RIMBP2: variants seen among roughly 807,000 people sequenced by gnomAD.
The protein encoded by RIMBP2 is RIMS binding protein 2.
RIMBP2 carries 48 observed loss-of-function variants against 118.6 expected under a neutral mutation model. The ratio of observed to expected loss-of-function variants is 0.40; its 90% CI spans 0.32 to 0.51. The LOEUF (loss-of-function observed/expected upper bound fraction) is 0.51. Ranked by LOEUF, RIMBP2 falls within the 20% of genes least tolerant of loss-of-function variation. The pLI is 0.41. For synonymous variants in RIMBP2, 762 were observed against 742.9 expected (o/e 1.03, Z -0.42); for missense variants, 1,551 against 1,768.3 (o/e 0.88, Z 2.20).
At chr12:130,435,050 C>CTT (rs375104659) in intron 13 of RIMBP2, among the ~76,000 whole-genome samples, 170 bp from the exon 14 acceptor site, 22 of 144,460 alleles carry the variant, frequency 1.5e-4, no homozygotes, top group South Asian at 6.6e-4. Flanking sequence ...CCACCAGAAT[C>CTT]TTTTTTTTTT....
intron 10 of RIMBP2, 40 bp downstream of exon 10, chr12:130,445,120 G>C (rs895831408): frequency 1.4e-6 from 2 of 1,390,128 alleles, no homozygotes; most frequent in African/African-American, 2.9e-5. Context: ...GGGTGGACTG[G>C]CCCAGCCTAC....
At chr12:130,671,546 C>T (rs1435697504) in intron 1 of RIMBP2, among the ~76,000 whole-genome samples, 1 of 152,188 alleles carries the variant, frequency 6.6e-6, no homozygotes, top group African/African-American at 2.4e-5. Context: ...TACCTATGAA[C>T]ACGAACCTCC....
At chr12:130,399,157 T>C (rs776904187) in intron 22 of RIMBP2, 1 of 1,390,528 alleles carries the variant, frequency 7.2e-7, no homozygotes, top group Non-Finnish European at 9.4e-7. Context: ...ATGAACACTC[T>C]TCTTCTGTTT....
Position 130,620,933 on chromosome 12 carries a change from T to C in RIMBP2, c.-217+7389A>G, listed in dbSNP as rs2061270486. ...GGTGAGCACCTGGAACCTGCAGACC[T>C]GGACTCCGGGCCTGGGGCACCTGTG... On this transcript the variant is annotated intron_variant, in intron 2 of 22. Transcript: ENST00000690449. This position sits in a 1 kb window ranked among gnomAD's most constrained non-coding sequence, Gnocchi z 5.3. 6.6e-6 allele frequency among the ~76,000 whole-genome samples: 1 copy of C among 152,142 alleles called. No homozygotes were observed. Among genetic ancestry groups the C allele is most frequent in the Admixed American group, 6.5e-5 (1 of 15,286 alleles).
rs1312704604 is a variant in RIMBP2, at chr12:130,523,517, A to C, written c.-216-5600T>G. Reference sequence around the variant, plus strand: ...CAGCTCAAGGGCTCGTCAAGGAAGAAACTGGGTCTTCTGAAGACACCCCCT... The same window carrying C: ...CAGCTCAAGGGCTCGTCAAGGAAGACACTGGGTCTTCTGAAGACACCCCCT... On this transcript the variant is annotated intron_variant, in intron 2 of 22. Coordinates refer to ENST00000690449, the MANE Select transcript of RIMBP2 (RefSeq NM_001393629.1). The surrounding 1 kb of genome is among the most constrained non-coding windows in gnomAD (Gnocchi z 4.4). Among the ~76,000 whole-genome samples the C allele has an allele frequency of 2.6e-5, 4 of 152,208 alleles. No homozygotes were observed. The highest frequency in any genetic ancestry group is 4.4e-5 in the Non-Finnish European group (3 of 68,042).
chr12:130,451,605 G>A (rs1187266585), intron 7 of RIMBP2, among the ~76,000 whole-genome samples: 1 of 152,202 alleles, frequency 6.6e-6, no homozygotes, highest in African/African-American at 2.4e-5. Context: ...CAGGCAGAGG[G>A]AACTAAAGGA....
chr12:130,615,272 C>CACATATAT (rs1429575646), intron 2 of RIMBP2, among the ~76,000 whole-genome samples: 2,287 of 38,696 alleles, frequency 0.059, 42 homozygotes, highest in Middle Eastern at 0.083. Flanking sequence ...ACATAATACA[C>CACATATAT]ATACATATAT....
At chr12:130,479,129 C>T in intron 4 of RIMBP2, 113 bp from the exon 5 acceptor site, 1 of 707,382 alleles carries the variant, frequency 1.4e-6, no homozygotes, top group East Asian at 3.1e-5. Context: ...CAGAGCAGCC[C>T]CTCACCGCCC....
intron 1 of RIMBP2, among the ~76,000 whole-genome samples, chr12:130,689,214 T>C (rs1252640939): frequency 2.0e-5 from 3 of 152,160 alleles, no homozygotes; most frequent in African/African-American, 7.2e-5. Flanking sequence ...GGGTGGATCA[T>C]CTGAGGTCAG....
chr12:130,454,225 T>A (rs2137448904), intron 7 of RIMBP2, among the ~76,000 whole-genome samples: 1 of 152,378 alleles, frequency 6.6e-6, no homozygotes, highest in Admixed American at 6.5e-5. Context: ...TTGATTTATG[T>A]TACATCGGAT....
At chr12:130,482,881 G>T (rs1460263387) in intron 4 of RIMBP2, among the ~76,000 whole-genome samples, 3 of 120,294 alleles carry the variant, frequency 2.5e-5, no homozygotes, top group African/African-American at 9.5e-5. Flanking sequence ...GTGTGTACAT[G>T]TGTCAGATTC....
intron 4 of RIMBP2, among the ~76,000 whole-genome samples, chr12:130,500,795 T>C (rs1436807097): frequency 6.6e-6 from 1 of 152,090 alleles, no homozygotes; most frequent in Non-Finnish European, 1.5e-5. Context: ...ACAAGACGCG[T>C]CAGGTGCTAG....
intron 2 of RIMBP2, among the ~76,000 whole-genome samples, chr12:130,608,828 C>T (rs1429690665): frequency 1.3e-5 from 2 of 152,130 alleles, no homozygotes; most frequent in African/African-American, 4.8e-5. Flanking sequence ...ACATTTTTAA[C>T]CAATACATCG....
chr12:130,592,921 T>C (rs1288430629), intron 2 of RIMBP2, among the ~76,000 whole-genome samples: 2 of 152,172 alleles, frequency 1.3e-5, no homozygotes, highest in African/African-American at 4.8e-5. Flanking sequence ...ACGCTGACCC[T>C]TCTGGCCTCA....
chr12:130,403,251 C>A (rs1278021289), intron 21 of RIMBP2, among the ~76,000 whole-genome samples: 1 of 152,158 alleles, frequency 6.6e-6, no homozygotes, highest in Non-Finnish European at 1.5e-5. Context: ...ACTGGGCAGT[C>A]CGCTCAGTGA....
At chr12:130,514,237 C>T (rs967875883) in intron 3 of RIMBP2, among the ~76,000 whole-genome samples, 1 of 152,234 alleles carries the variant, frequency 6.6e-6, no homozygotes, top group African/African-American at 2.4e-5. Context: ...CCTCAGACAC[C>T]CATAAGAAGC....
rs2061441098 is a variant in RIMBP2, at chr12:130,623,475, G to A, written c.-217+4847C>T. On this transcript the variant is annotated intron_variant, in intron 2 of 22. Transcript: ENST00000690449. The surrounding 1 kb of genome is among the most constrained non-coding windows in gnomAD (Gnocchi z 4.1). ...CTCGAGTAATGTACACAGGTAGCATGGACAAGTATGTTCCCTGCTGTAGTA... is the reference window on the plus strand; with the variant it reads ...CTCGAGTAATGTACACAGGTAGCATAGACAAGTATGTTCCCTGCTGTAGTA... 1.3e-5 allele frequency among the ~76,000 whole-genome samples: 2 copies of A among 151,566 alleles called. No individual in the cohort carries two copies. The highest frequency in any genetic ancestry group is 2.9e-5 in the Non-Finnish European group (2 of 67,904).
intron 2 of RIMBP2, among the ~76,000 whole-genome samples, chr12:130,522,583 C>T (rs918310292): frequency 6.6e-6 from 1 of 152,252 alleles, no homozygotes; most frequent in Non-Finnish European, 1.5e-5. Flanking sequence ...GACACATCTA[C>T]AGGCGGAATT....
intron 2 of RIMBP2, among the ~76,000 whole-genome samples, chr12:130,527,510 C>A (rs1018577430): frequency 6.6e-6 from 1 of 152,214 alleles, no homozygotes; most frequent in Admixed American, 6.5e-5. Context: ...GTGTTCCTAA[C>A]ACAAGTTAGA....
Sources: gnomAD v4.1 joint callset for allele counts (sites outside exome capture counted in the v4.1 genomes callset) on GRCh38, gnomAD v4.1.1 for gene constraint, Gnocchi (gnomAD v3.1) non-coding constraint, MANE v1.5 for transcripts, NCBI Gene and HGNC (gene_info 2026-07-23, HGNC 2026-07-21) for gene names.